Variants in PLXNA4 observed in about 807,000 individuals in gnomAD.
PLXNA4 encodes plexin-A4.
A neutral mutation model predicts 191.8 loss-of-function variants in PLXNA4; 44 were observed. The observed-to-expected ratio is 0.23, with a 90% CI of 0.18 to 0.29. The LOEUF is 0.29. Among genes scored for constraint, PLXNA4 ranks in the 10% least tolerant of loss-of-function variants. The pLI is 1.00. For synonymous variants in PLXNA4, 1,082 were observed against 1,009.5 expected, an observed-to-expected ratio of 1.07 and a Z score of -1.36; for missense variants, 1,800 against 2,488.8, an observed-to-expected ratio of 0.72 and a Z score of 5.89.
intron 4 of PLXNA4, among the ~76,000 whole-genome samples, chr7:132,259,499 A>G (rs1317615578): frequency 6.8e-6 from 1 of 147,890 alleles, no homozygotes; most frequent in East Asian, 2.0e-4. Flanking sequence ...GAAAAGCAAA[A>G]GAAAACCAGC....
intron 21 of PLXNA4, among the ~76,000 whole-genome samples, chr7:132,169,747 G>A (rs1785925039): frequency 6.6e-6 from 1 of 151,996 alleles, no homozygotes. Context: ...TCTGCTTGGT[G>A]CTGGCTTGAG....
chr7:132,164,006 C>G (rs1178857696), intron 24 of PLXNA4, 136 bp downstream of exon 24: 45 of 1,395,014 alleles, frequency 3.2e-5, no homozygotes, highest in Non-Finnish European at 3.9e-5. Context: ...GCGGGAGCAC[C>G]TGGCTGGGCC....
rs1158487595 is a variant in PLXNA4, at chr7:132,576,255, C to T, written c.-87+167G>A. Reference sequence around the variant, plus strand: ...GGTGGGACGTGGGCAGGTGCGCGAGCGCCGTGTGTGCCGGTGTGGATCTGT... The same window carrying T: ...GGTGGGACGTGGGCAGGTGCGCGAGTGCCGTGTGTGCCGGTGTGGATCTGT... On this transcript the variant is annotated intron_variant, in intron 1 of 31. Coordinates refer to ENST00000321063, the MANE Select transcript of PLXNA4 (RefSeq NM_020911.2). The surrounding 1 kb of genome is among the most constrained non-coding windows in gnomAD (Gnocchi z 5.8). 6.6e-6 allele frequency among the ~76,000 whole-genome samples: 1 copy of T among 152,158 alleles called. No individual in the cohort carries two copies. The highest frequency in any genetic ancestry group is 2.4e-5 in the African/African-American group (1 of 41,428).
intron 3 of PLXNA4, among the ~76,000 whole-genome samples, chr7:132,341,743 G>A (rs1218125142): frequency 6.6e-6 from 1 of 152,126 alleles, no homozygotes; most frequent in Non-Finnish European, 1.5e-5. Flanking sequence ...ACAGTTCTGA[G>A]TATTTTAGGG....
At chr7:132,462,513 A>T (rs1563113120) in intron 3 of PLXNA4, among the ~76,000 whole-genome samples, 2 of 151,602 alleles carry the variant, frequency 1.3e-5, no homozygotes, top group African/African-American at 2.4e-5. Context: ...CATAATATGT[A>T]CATATATATA....
chr7:132,470,235 C>T (rs991808704), intron 3 of PLXNA4, among the ~76,000 whole-genome samples: 1 of 152,184 alleles, frequency 6.6e-6, no homozygotes, highest in Non-Finnish European at 1.5e-5. Context: ...GTTGTCTTGA[C>T]CAGTAGAGTT....
At chr7:132,619,486 A>G (rs960558434) in intron 2 of PLXNA4, among the ~76,000 whole-genome samples, 1 of 152,266 alleles carries the variant, frequency 6.6e-6, no homozygotes, top group Non-Finnish European at 1.5e-5. Flanking sequence ...GTATGTAAGC[A>G]ACTCAAAAAT....
intron 2 of PLXNA4, among the ~76,000 whole-genome samples, chr7:132,496,525 T>C (rs1177747680): frequency 1.3e-5 from 2 of 152,040 alleles, no homozygotes; most frequent in Non-Finnish European, 2.9e-5. Flanking sequence ...CCTCAGCCTC[T>C]TGAGTAGCTG....
At chr7:132,324,310 G>A (rs557014335) in intron 3 of PLXNA4, among the ~76,000 whole-genome samples, 1 of 152,296 alleles carries the variant, frequency 6.6e-6, no homozygotes, top group Admixed American at 6.5e-5. Flanking sequence ...GCATTTCCTA[G>A]TAATAAATAT....
intron 2 of PLXNA4, among the ~76,000 whole-genome samples, chr7:132,633,851 T>C (rs1056525526): frequency 6.6e-6 from 1 of 152,058 alleles, no homozygotes; most frequent in African/African-American, 2.4e-5. Flanking sequence ...ATTCGCCTCC[T>C]CCCATCAGTA....
chr7:132,244,304 G>A (rs10260567), intron 4 of PLXNA4, among the ~76,000 whole-genome samples: 37,267 of 152,012 alleles, frequency 0.25, 5,208 homozygotes, highest in African/African-American at 0.37. Flanking sequence ...TCTCAGGTCA[G>A]CCTCATCTCA....
chr7:132,133,279 C>A, intron 30 of PLXNA4, 80 bp from the exon 31 acceptor site: 2 of 1,556,510 alleles, frequency 1.3e-6, no homozygotes, highest in Non-Finnish European at 1.7e-6. Context: ...AGCACCGTGT[C>A]TGGGGCCATG....
At chr7:132,632,510 T>G (rs1402129774) in intron 2 of PLXNA4, among the ~76,000 whole-genome samples, 1 of 152,128 alleles carries the variant, frequency 6.6e-6, no homozygotes, top group Non-Finnish European at 1.5e-5. Context: ...ATGCACCTGG[T>G]TCCAGAGTTA....
intron 3 of PLXNA4, among the ~76,000 whole-genome samples, chr7:132,410,538 C>T (rs1173414242): frequency 3.3e-5 from 5 of 152,156 alleles, no homozygotes; most frequent in African/African-American, 7.2e-5. Flanking sequence ...GACAGGATTA[C>T]GTCATGTGCT....
chr7:132,573,330 T>C (rs929104340), intron 1 of PLXNA4, among the ~76,000 whole-genome samples: 3 of 152,166 alleles, frequency 2.0e-5, no homozygotes, highest in Admixed American at 6.5e-5. Flanking sequence ...CTGATGTGCA[T>C]TGTCTGCGTA....
In PLXNA4 at chr7:132,194,077, C is replaced by T; in HGVS notation, c.2841G>A (p.Gln947=). The T allele has an allele frequency of 6.2e-7, 1 of 1,613,938 alleles. No homozygotes were observed. Among genetic ancestry groups the T allele is most frequent in the African/African-American group, 1.3e-5 (1 of 75,058 alleles). Residue 947 remains glutamine (Q), a synonymous_variant, in exon 14 of 32, where the codon CAG becomes CAA. Transcript: ENST00000321063. The stretch of plus-strand genomic sequence containing the variant: ...CAAGACTCACCATGAAGTAATAGAG[C>T]TGTGAGGACCGGGCCATGAATTCAG... ...CRPEFMARSS[Q]LYYFMTLTLS...
chr7:132,430,365 A>T (rs911053576), intron 3 of PLXNA4, among the ~76,000 whole-genome samples: 1 of 152,118 alleles, frequency 6.6e-6, no homozygotes, highest in African/African-American at 2.4e-5. Context: ...GGAAATGCTG[A>T]GTGAATTAGT....
intron 2 of PLXNA4, among the ~76,000 whole-genome samples, chr7:132,492,844 A>G (rs1797858469): frequency 2.0e-5 from 3 of 152,172 alleles, no homozygotes; most frequent in Admixed American, 6.5e-5. Flanking sequence ...ACTTCAATGT[A>G]AGATATTTCA....
intron 3 of PLXNA4, among the ~76,000 whole-genome samples, chr7:132,316,623 G>A (rs566922878): frequency 2.6e-5 from 4 of 152,152 alleles, no homozygotes; most frequent in Non-Finnish European, 5.9e-5. Flanking sequence ...AGCTGGGTTT[G>A]GGAAGTGTCC....
Sources: allele counts gnomAD v4.1 joint callset (sites outside exome capture counted in the v4.1 genomes callset), GRCh38; gene constraint gnomAD v4.1.1; non-coding constraint Gnocchi (gnomAD v3.1); transcripts MANE v1.5; gene names NCBI Gene and HGNC (gene_info 2026-07-23, HGNC 2026-07-21).